KATNIP: variants seen among roughly 807,000 people sequenced by gnomAD.
KATNIP encodes katanin-interacting protein.
In KATNIP, 126 loss-of-function variants were observed where a neutral mutation model predicts 174.0. The observed-to-expected ratio is 0.72, with a 90% confidence interval of 0.63 to 0.84. KATNIP has a LOEUF of 0.84. Among genes scored for constraint, KATNIP ranks in the 40% least tolerant of loss-of-function variants. KATNIP has a pLI of 0.00. For missense variants in KATNIP, 1,958 were observed against 2,109.7 expected (o/e 0.93, Z 1.41); for synonymous variants, 810 against 835.7 (o/e 0.97, Z 0.53).
chr16:27,686,329 A>G (rs1298210467), intron 8 of KATNIP, among the ~76,000 whole-genome samples: 2 of 152,182 alleles, frequency 1.3e-5, no homozygotes, highest in Admixed American at 1.3e-4. Flanking sequence ...TGAACCTTTT[A>G]TCATTATGTG....
rs1001643839 is a variant in KATNIP, at chr16:27,779,567, G to C, written c.*938G>C. ...CACATGTCCCTCCTGGTCTGATCAC[G>C]GCTGTGCTCACTGATGTGGCTGCTT... On this transcript the variant is annotated 3_prime_UTR_variant, in exon 28 of 28. Coordinates refer to ENST00000261588, the MANE Select transcript of KATNIP (RefSeq NM_015202.5). 6.6e-6 allele frequency: 1 copy of C among 152,412 alleles called. No homozygotes were observed. The highest frequency in any genetic ancestry group is 1.5e-5 in the Non-Finnish European group (1 of 68,182). The allele number at this position is 152,412 out of a possible 1,614,324, so 9.4% of individuals were successfully genotyped here. A position where few individuals can be genotyped will look rare whatever the true frequency, so the allele number is the denominator to read the frequency against.
At chr16:27,571,777 G>A (rs540934777) in intron 1 of KATNIP, among the ~76,000 whole-genome samples, 73 of 152,298 alleles carry the variant, frequency 4.8e-4, no homozygotes, top group African/African-American at 1.7e-3. Flanking sequence ...CAGTCCCTTC[G>A]CTCTGCATGA....
chr16:27,656,381 A>G (rs567619621), intron 6 of KATNIP, among the ~76,000 whole-genome samples: 120 of 147,778 alleles, frequency 8.1e-4, no homozygotes, highest in Non-Finnish European at 1.4e-3. Flanking sequence ...TCATGGCACT[A>G]CACTCCAGCC....
At chr16:27,724,634 C>G (rs2080374533) in intron 14 of KATNIP, among the ~76,000 whole-genome samples, 1 of 152,168 alleles carries the variant, frequency 6.6e-6, no homozygotes, top group African/African-American at 2.4e-5. Flanking sequence ...CCTGCCAGGG[C>G]ACCGCTTATG....
chr16:27,648,800 G>T, intron 6 of KATNIP, 65 bp downstream of exon 6: 1 of 1,537,128 alleles, frequency 6.5e-7, no homozygotes, highest in Non-Finnish European at 8.9e-7. Context: ...TGCTGCAGTG[G>T]CCCCTCGGGG....
Position 27,740,644 on chromosome 16 carries a change from G to C in KATNIP, c.2347G>C (p.Ala783Pro). ...PLWLSPEKPL[A>P]WKGRLPSDDV... ...CTGGCTTAGTCCCGAGAAGCCCCTG[G>C]CCTGGAAGGGCAGGCTCCCATCAGA... Residue 783 changes from alanine (A) to proline (P), a missense_variant, in exon 15 of 28, where the codon GCC (alanine) becomes CCC (proline). Ala to Pro is a conservative substitution (Grantham distance 27, BLOSUM62 -1). Around this residue, in one of 3 missense-constraint regions of KATNIP, gnomAD observed 1,557 missense variants for 1,617.8 expected, o/e 0.96. Coordinates refer to ENST00000261588, the MANE Select transcript of KATNIP (RefSeq NM_015202.5). 6.2e-7 allele frequency: 1 copy of C among 1,614,190 alleles called. No individual in the cohort carries two copies. Among genetic ancestry groups the C allele is most frequent in the Non-Finnish European group, 8.5e-7 (1 of 1,180,034 alleles).
intron 20 of KATNIP, among the ~76,000 whole-genome samples, chr16:27,767,227 G>A (rs973554108): frequency 3.3e-5 from 5 of 152,262 alleles, no homozygotes; most frequent in East Asian, 3.9e-4. Flanking sequence ...AACCAGCTGC[G>A]TAACCTCTGG....
chr16:27,736,312 T>A (rs762846071), intron 14 of KATNIP, among the ~76,000 whole-genome samples: 7 of 152,202 alleles, frequency 4.6e-5, no homozygotes, highest in Admixed American at 2.0e-4. Context: ...CCAAAAATAA[T>A]TGTTGGGTGG....
intron 2 of KATNIP, among the ~76,000 whole-genome samples, chr16:27,610,157 G>A (rs2075846870): frequency 6.6e-6 from 1 of 152,152 alleles, no homozygotes; most frequent in African/African-American, 2.4e-5. Context: ...TAGCAGAAGA[G>A]TGACATGATT....
intron 21 of KATNIP, among the ~76,000 whole-genome samples, chr16:27,770,902 C>T (rs1374325757): frequency 6.6e-6 from 1 of 152,208 alleles, no homozygotes; most frequent in Admixed American, 6.6e-5. Context: ...TCACTTCCCT[C>T]TCCCCATCCT....
rs778424038 is a variant in KATNIP, at chr16:27,777,719, T to C, written c.4661T>C (p.Leu1554Pro). Reference protein sequence around the residue: ...CEPTVPYHTILFTEDRDIRHQ... With the variant: ...CEPTVPYHTIPFTEDRDIRHQ... ...CCCACCGTGCCCTACCACACCATCC[T>C]CTTCACCGAGGACAGGGACATCCGC... Residue 1554 changes from leucine (L) to proline (P), a missense_variant, in exon 26 of 28, where the codon CTC (leucine) becomes CCC (proline). Leu to Pro is a moderately conservative substitution (Grantham distance 98). Coordinates refer to ENST00000261588, the MANE Select transcript of KATNIP (RefSeq NM_015202.5). This position sits in a 1 kb window ranked among gnomAD's most constrained non-coding sequence, Gnocchi z 4.4. 6.2e-7 allele frequency: 1 copy of C among 1,614,008 alleles called. No homozygotes were observed. Among genetic ancestry groups the C allele is most frequent in the Admixed American group, 1.7e-5 (1 of 60,014 alleles).
At chr16:27,573,977 G>T in intron 2 of KATNIP, 21 bp downstream of exon 2, 1 of 1,611,358 alleles carries the variant, frequency 6.2e-7, no homozygotes, top group South Asian at 1.1e-5. Flanking sequence ...CCCTGGCGAG[G>T]GCTGATGGGA....
chr16:27,604,692 G>A (rs923185399), intron 2 of KATNIP, among the ~76,000 whole-genome samples: 1 of 152,180 alleles, frequency 6.6e-6, no homozygotes, highest in Non-Finnish European at 1.5e-5. Flanking sequence ...ATCATTGTGT[G>A]AAATAAAGTC....
intron 6 of KATNIP, among the ~76,000 whole-genome samples, chr16:27,674,424 G>A (rs2078034294): frequency 6.6e-6 from 1 of 152,238 alleles, no homozygotes; most frequent in Admixed American, 6.5e-5. Flanking sequence ...GGAGGCTCGA[G>A]AGGAAAGCTC....
At position 27,577,978 on chromosome 16, in the gene KATNIP, A is replaced by AATTCATTCATTCATACATTT. The variant is rs1315012437; in HGVS notation, c.63+4039_63+4058dup. Among the ~76,000 whole-genome samples, 46 of 152,320 alleles carry AATTCATTCATTCATACATTT rather than the reference A, an allele frequency of 3.0e-4. 1 individual carries two copies. Among genetic ancestry groups the AATTCATTCATTCATACATTT allele is most frequent in the African/African-American group, 8.4e-4 (35 of 41,576 alleles). ...AAGCAGTCAGCACAGGGCCTGGTGC[A>AATTCATTCATTCATACATTT]ATTCATTCATTCATACATTTATTCA... On this transcript the variant is annotated intron_variant, in intron 2 of 27. Coordinates refer to ENST00000261588, the MANE Select transcript of KATNIP (RefSeq NM_015202.5).
chr16:27,739,936 A>G (rs570122793), intron 14 of KATNIP, 105 bp from the exon 15 acceptor site: 80 of 1,273,672 alleles, frequency 6.3e-5, no homozygotes, highest in Non-Finnish European at 8.5e-5. Context: ...TTGCATTTCT[A>G]GCATTTCACA....
chr16:27,703,890 T>C lies in KATNIP; in HGVS notation c.1287-6T>C, dbSNP rs201305644. On this transcript the variant is annotated splice_region_variant and splice_polypyrimidine_tract_variant and intron_variant, in intron 11 of 27. Transcript: ENST00000261588. ...TCCTGTTTGCTAAAACCAAATCCCA[T>C]TTCAGACAACAGCAGAAGCTTCTGA... 5.0e-6 allele frequency: 8 copies of C among 1,612,652 alleles called. No individual in the cohort carries two copies. Among genetic ancestry groups the C allele is most frequent in the Non-Finnish European group, 6.8e-6 (8 of 1,178,760 alleles).
intron 2 of KATNIP, among the ~76,000 whole-genome samples, chr16:27,614,428 T>C (rs149179416): frequency 0.022 from 3,335 of 152,302 alleles, 140 homozygotes; most frequent in African/African-American, 0.076. Flanking sequence ...CCCAAAGTGC[T>C]GGGATTACAG....
In KATNIP at chr16:27,749,626, G is replaced by T; in HGVS notation, c.2666G>T (p.Arg889Leu). 1.3e-6 allele frequency: 2 copies of T among 1,558,290 alleles called. No individual in the cohort carries two copies. Among genetic ancestry groups the T allele is most frequent in the Non-Finnish European group, 1.7e-6 (2 of 1,153,340 alleles). ...SSRTPSRSRW[R>L]SEQEHTLHES... ...AGGACGCCGTCACGGTCAAGGTGGC[G>T]CAGTGAGCAGGAGCACACACTTCAC... Residue 889 changes from arginine to leucine, a missense_variant, in exon 16 of 28, where the codon CGC becomes CTC. Arg to Leu is a moderately radical substitution (Grantham distance 102). Coordinates refer to ENST00000261588, the MANE Select transcript of KATNIP (RefSeq NM_015202.5).
Sources: gnomAD v4.1 joint callset for allele counts (sites outside exome capture counted in the v4.1 genomes callset) on GRCh38, gnomAD v4.1.1 for gene constraint, gnomAD v4.1.1 regional missense constraint, Gnocchi (gnomAD v3.1) non-coding constraint, MANE v1.5 for transcripts, NCBI Gene and HGNC (gene_info 2026-07-23, HGNC 2026-07-21) for gene names.